DEFB119: variants seen among roughly 807,000 people sequenced by gnomAD.
DEFB119 encodes the protein beta-defensin 119.
In DEFB119, 3 loss-of-function variants were observed where a neutral mutation model predicts 2.5. The observed-to-expected ratio is 1.19, with a 90% CI of 0.54 to 3.07. DEFB119 has a LOEUF of 3.07. Among genes scored for constraint, DEFB119 ranks in the 30% most tolerant of loss-of-function variants. DEFB119 has a pLI of 0.03. For synonymous variants in DEFB119, 29 were observed against 33.7 expected, an observed-to-expected ratio of 0.86 and a Z score of 0.48; for missense variants, 113 against 101.1, an observed-to-expected ratio of 1.12 and a Z score of -0.50.
intron 1 of DEFB119, chr20:31,378,505 A>G: frequency 6.6e-7 from 1 of 1,503,926 alleles, no homozygotes; most frequent in South Asian, 1.2e-5. Flanking sequence ...CATACTGAGA[A>G]CCAGGAAAAT....
At position 31,390,427 on chromosome 20, in the gene DEFB119, T is replaced by C. The variant is rs995996027; in HGVS notation, c.57A>G (p.Ile19Met). 11 of 1,611,802 alleles carry C rather than the reference T, an allele frequency of 6.8e-6. No individual in the cohort carries two copies. The Middle Eastern group carries it at 4.9e-4, about 72-fold the overall frequency. Residue 19 changes from isoleucine to methionine, a missense_variant, in exon 1 of 2, where the codon ATA (isoleucine) becomes ATG (methionine). Transcript: ENST00000376321. The part of the protein sequence containing the change: ...AILLAIEEPV[I>M]SGKRHILRCM... ...CCCGAGAGAGGTTCACGTTACCTGA[T>C]ATCACTGGTTCTTCTATGGCCAGAA...
chr20:31,389,810 C>A (rs369271847), intron 1 of DEFB119, among the ~76,000 whole-genome samples: 2 of 152,048 alleles, frequency 1.3e-5, no homozygotes, highest in African/African-American at 4.8e-5. Context: ...CAACTCCAAG[C>A]CAAACCCTAA....
intron 1 of DEFB119, among the ~76,000 whole-genome samples, chr20:31,384,610 T>C (rs989017810): frequency 1.3e-5 from 2 of 152,150 alleles, no homozygotes; most frequent in East Asian, 1.9e-4. Context: ...AACCACAGTA[T>C]AAAACATTAA....
At chr20:31,387,143 G>C (rs972788812) in intron 1 of DEFB119, among the ~76,000 whole-genome samples, 8 of 152,128 alleles carry the variant, frequency 5.3e-5, no homozygotes, top group African/African-American at 1.9e-4. Flanking sequence ...AGAGGACTTT[G>C]CATGTTCTAA....
intron 1 of DEFB119, among the ~76,000 whole-genome samples, chr20:31,378,183 G>T (rs1056370745): frequency 5.9e-5 from 9 of 152,144 alleles, no homozygotes; most frequent in Non-Finnish European, 1.2e-4. Context: ...TCCCTGATGG[G>T]GTGGTGACAG....
intron 1 of DEFB119, among the ~76,000 whole-genome samples, chr20:31,380,500 A>G (rs899046120): frequency 6.6e-6 from 1 of 152,108 alleles, no homozygotes; most frequent in African/African-American, 2.4e-5. Context: ...TCCTGGGCTC[A>G]AGTGATCCTC....
chr20:31,378,452 T>C, intron 1 of DEFB119: 1 of 1,607,390 alleles, frequency 6.2e-7, no homozygotes, highest in Admixed American at 1.7e-5. Flanking sequence ...TCTCATAACA[T>C]AATAATATCA....
chr20:31,388,218 T>C, intron 1 of DEFB119: 2 of 984,740 alleles, frequency 2.0e-6, no homozygotes, highest in Non-Finnish European at 2.4e-6. Context: ...GACAGGCTTC[T>C]GTCTCCCTCA....
chr20:31,388,828 C>T, intron 1 of DEFB119: 2 of 1,003,874 alleles, frequency 2.0e-6, no homozygotes, highest in Admixed American at 2.7e-5. Flanking sequence ...GGGGAATCAT[C>T]TTCAAGACTG....
At chr20:31,385,374 C>CAAAAAAAAA (rs539118665) in intron 1 of DEFB119, among the ~76,000 whole-genome samples, 26 of 115,722 alleles carry the variant, frequency 2.2e-4, no homozygotes, top group African/African-American at 4.4e-4. Flanking sequence ...TAACAAAAGA[C>CAAAAAAAAA]AAAAAAAAAA....
chr20:31,384,962 AT>A (rs1986639546), intron 1 of DEFB119, among the ~76,000 whole-genome samples: 1 of 152,312 alleles, frequency 6.6e-6, no homozygotes, highest in African/African-American at 2.4e-5. Context: ...AATTTAGACA[AT>A]GTTATTGTAA....
At chr20:31,386,799 T>TTTTCC (rs1033377894) in intron 1 of DEFB119, among the ~76,000 whole-genome samples, 1 of 136,782 alleles carries the variant, frequency 7.3e-6, no homozygotes, top group Non-Finnish European at 1.5e-5. Context: ...TTTCTTTTTC[T>TTTTCC]TTTTCTTTTT....
At chr20:31,383,510 G>A (rs1986575143) in intron 1 of DEFB119, among the ~76,000 whole-genome samples, 1 of 145,950 alleles carries the variant, frequency 6.9e-6, no homozygotes, top group Non-Finnish European at 1.5e-5. Flanking sequence ...CTCCAGCCTG[G>A]GCAACAGAAC....
chr20:31,386,048 G>A (rs1029157636), intron 1 of DEFB119, among the ~76,000 whole-genome samples: 1 of 152,100 alleles, frequency 6.6e-6, no homozygotes, highest in Non-Finnish European at 1.5e-5. Context: ...AGAGGATGGC[G>A]AGAGGGTTGC....
chr20:31,383,127 C>T (rs755305497), intron 1 of DEFB119, among the ~76,000 whole-genome samples: 1 of 152,204 alleles, frequency 6.6e-6, no homozygotes, highest in South Asian at 2.1e-4. Flanking sequence ...TGTGGCCCCA[C>T]TCAAATCTCG....
At chr20:31,379,391 A>G (rs561857921) in intron 1 of DEFB119, among the ~76,000 whole-genome samples, 1 of 152,208 alleles carries the variant, frequency 6.6e-6, no homozygotes, top group Non-Finnish European at 1.5e-5. Context: ...ATGGCTAATG[A>G]TGTTGAACAT....
chr20:31,377,227 G>C lies in DEFB119; in HGVS notation c.*19C>G, dbSNP rs1280351707. 2 of 1,594,374 alleles carry C rather than the reference G, an allele frequency of 1.3e-6. No individual in the cohort carries two copies. ...AGGTCTCTGTGCCCAGAGAGCTTGA[G>C]AATGGTAATCACCAGCACTCAAGGT... On this transcript the variant is annotated 3_prime_UTR_variant, in exon 2 of 2. Transcript: ENST00000376321.
chr20:31,383,489 G>A (rs564890441), intron 1 of DEFB119, among the ~76,000 whole-genome samples: 8 of 143,558 alleles, frequency 5.6e-5, no homozygotes, highest in Admixed American at 1.5e-4. Context: ...AGCCAAGACC[G>A]TGCCACTGCA....
chr20:31,380,625 ATT>A (rs543316899), intron 1 of DEFB119, among the ~76,000 whole-genome samples: 5,153 of 148,530 alleles, frequency 0.035, 143 homozygotes, highest in Non-Finnish European at 0.049. Flanking sequence ...TTAGGTTTAG[ATT>A]TTTTTTTTTC....
Sources: gnomAD v4.1 joint callset for allele counts (sites outside exome capture counted in the v4.1 genomes callset) on GRCh38, gnomAD v4.1.1 for gene constraint, MANE v1.5 for transcripts, NCBI Gene and HGNC (gene_info 2026-07-23, HGNC 2026-07-21) for gene names.